The following QTMAN variants were observed in gnomAD, a reference collection of about 807,000 sequenced individuals.
The protein encoded by QTMAN is queuosine-tRNA mannosyltransferase.
chr2:144,182,819 T>C, the QTMAN span, among the ~76,000 whole-genome samples: 1 of 18,888 alleles, frequency 5.3e-5, no homozygotes, highest in Non-Finnish European at 8.9e-5. Flanking sequence ...ATATATATAT[T>C]ATATATATAA....
the QTMAN span, among the ~76,000 whole-genome samples, chr2:144,069,546 C>T: frequency 6.6e-6 from 1 of 151,762 alleles, no homozygotes; most frequent in Non-Finnish European, 1.5e-5. Context: ...TCACATAACA[C>T]ATTTATGTCA....
the QTMAN span, chr2:143,942,665 A>G: frequency 6.0e-6 from 1 of 167,130 alleles, no homozygotes; most frequent in Non-Finnish European, 1.5e-5. Context: ...TCTGTTAGAA[A>G]TGGTGATTAG....
chr2:144,033,439 T>C, the QTMAN span, among the ~76,000 whole-genome samples: 1 of 152,214 alleles, frequency 6.6e-6, no homozygotes, highest in South Asian at 2.1e-4. Flanking sequence ...AAGAGATGCA[T>C]AGGACAAACC....
chr2:144,277,720 C>T, the QTMAN span, among the ~76,000 whole-genome samples: 1 of 151,950 alleles, frequency 6.6e-6, no homozygotes, highest in African/African-American at 2.4e-5. Flanking sequence ...TTTCCCTTTC[C>T]TCTCTTGAAA....
the QTMAN span, among the ~76,000 whole-genome samples, chr2:144,182,828 A>AATATATATATATATTATATATATAAT: frequency 1.5e-5 from 1 of 67,212 alleles, no homozygotes; most frequent in Admixed American, 2.5e-4. Flanking sequence ...TTATATATAT[A>AATATATATATATATTATATATATAAT]ATATATATAT....
chr2:143,965,651 T>G, the QTMAN span, among the ~76,000 whole-genome samples: 1 of 152,186 alleles, frequency 6.6e-6, no homozygotes, highest in East Asian at 1.9e-4. Flanking sequence ...CACAGAATGT[T>G]TAGCAGCACC....
the QTMAN span, among the ~76,000 whole-genome samples, chr2:144,321,198 C>G: frequency 1.3e-5 from 2 of 152,204 alleles, no homozygotes; most frequent in Admixed American, 1.3e-4. Flanking sequence ...AAAGCGTTAC[C>G]TATCACCCAC....
chr2:144,057,521 T>A, the QTMAN span, among the ~76,000 whole-genome samples: 1 of 152,190 alleles, frequency 6.6e-6, no homozygotes. Context: ...TTATCTCTCA[T>A]ATGACCTGGT....
chr2:144,096,628 T>C, the QTMAN span, among the ~76,000 whole-genome samples: 2 of 152,250 alleles, frequency 1.3e-5, no homozygotes, highest in African/African-American at 2.4e-5. Flanking sequence ...GTTTTCATTA[T>C]TTTGTGTAAA....
At chr2:144,182,561 T>C in the QTMAN span, among the ~76,000 whole-genome samples, 1 of 146,668 alleles carries the variant, frequency 6.8e-6, no homozygotes, top group African/African-American at 2.5e-5. Flanking sequence ...GGAGAATCAC[T>C]TGAACCAGGG....
chr2:144,286,164 A>G, the QTMAN span, among the ~76,000 whole-genome samples: 1 of 152,202 alleles, frequency 6.6e-6, no homozygotes, highest in South Asian at 2.1e-4. Flanking sequence ...GTAGCACTCA[A>G]ATGATTCTGG....
the QTMAN span, among the ~76,000 whole-genome samples, chr2:144,137,587 G>A: frequency 1.3e-5 from 2 of 152,058 alleles, no homozygotes; most frequent in Non-Finnish European, 2.9e-5. Flanking sequence ...GTGGTGGGCT[G>A]AACACTGGAT....
the QTMAN span, among the ~76,000 whole-genome samples, chr2:144,243,898 C>A: frequency 6.6e-6 from 1 of 152,124 alleles, no homozygotes; most frequent in Non-Finnish European, 1.5e-5. Flanking sequence ...TCAGACCATG[C>A]TATACAGATA....
chr2:144,310,789 T>C, the QTMAN span, among the ~76,000 whole-genome samples: 7 of 152,170 alleles, frequency 4.6e-5, no homozygotes, highest in African/African-American at 1.7e-4. Context: ...ATGAAACAAG[T>C]TTGGGTAAAA....
chr2:144,203,150 A>AGTGTGTGT, the QTMAN span, among the ~76,000 whole-genome samples: 598 of 145,638 alleles, frequency 4.1e-3, 2 homozygotes, highest in Middle Eastern at 0.018. Context: ...TACAATGAAG[A>AGTGTGTGT]GTGTGTGTGT....
the QTMAN span, among the ~76,000 whole-genome samples, chr2:143,992,459 T>C: frequency 6.7e-6 from 1 of 149,876 alleles, no homozygotes; most frequent in Non-Finnish European, 1.5e-5. Context: ...GTTTATCTGC[T>C]GACCTTCCCT....
At chr2:144,238,473 T>G in the QTMAN span, among the ~76,000 whole-genome samples, 1 of 152,086 alleles carries the variant, frequency 6.6e-6, no homozygotes, top group African/African-American at 2.4e-5. Context: ...AAGTAGCATG[T>G]GATACATCTC....
At chr2:143,943,995 T>A in the QTMAN span, 1 of 152,228 alleles carries the variant, frequency 6.6e-6, no homozygotes, top group African/African-American at 2.4e-5. Flanking sequence ...CATTTAAAAT[T>A]AAAATTGACT....
the QTMAN span, among the ~76,000 whole-genome samples, chr2:144,096,146 G>T: frequency 9.5e-4 from 145 of 152,230 alleles, no homozygotes; most frequent in Non-Finnish European, 1.8e-3. Flanking sequence ...TTAAATAACA[G>T]ATCTTTTGAA....
Sources: gnomAD v4.1 joint callset for allele counts (sites outside exome capture counted in the v4.1 genomes callset) on GRCh38, gnomAD v4.1.1 for gene constraint, MANE v1.5 for transcripts, NCBI Gene and HGNC (gene_info 2026-07-23, HGNC 2026-07-21) for gene names.